Variants in KLHDC4 observed in about 807,000 individuals in gnomAD.
KLHDC4 encodes kelch domain-containing protein 4.
In KLHDC4, 90 loss-of-function variants were observed where a neutral mutation model predicts 62.4. The observed-to-expected ratio is 1.44, with a 90% CI of 1.22 to 1.72. The LOEUF (loss-of-function observed/expected upper bound fraction) is 1.72, where lower values mean the gene tolerates loss of function less well. KLHDC4 is among the 40% of genes most tolerant of loss of function. The probability of loss-of-function intolerance (pLI) is 0.00; values close to 1 mark genes in which losing one functional copy is unlikely to be tolerated. For missense variants in KLHDC4, 1,025 were observed against 699.7 expected, an observed-to-expected ratio of 1.47 and a Z score of -5.25; for synonymous variants, 386 against 284.4, an observed-to-expected ratio of 1.36 and a Z score of -3.59.
chr16:87,727,583 C>A (rs941814484), intron 6 of KLHDC4, among the ~76,000 whole-genome samples: 3 of 152,180 alleles, frequency 2.0e-5, no homozygotes, highest in Non-Finnish European at 4.4e-5. Flanking sequence ...CAGTGCCTGC[C>A]GGACCCAGCA....
chr16:87,743,791 AG>A (rs912987929), intron 5 of KLHDC4, among the ~76,000 whole-genome samples: 34 of 152,262 alleles, frequency 2.2e-4, no homozygotes, highest in African/African-American at 7.7e-4. Context: ...CTAACTTCCC[AG>A]GGTGTTTAGA....
intron 2 of KLHDC4, 90 bp from the exon 3 acceptor site, chr16:87,756,567 C>A: frequency 1.1e-6 from 1 of 931,504 alleles, no homozygotes; most frequent in Non-Finnish European, 1.7e-6. Flanking sequence ...TCTGTCACCA[C>A]AAACTGGCTG....
chr16:87,762,018 G>C lies in KLHDC4; in HGVS notation c.122C>G (p.Ala41Gly). The change falls in exon 2 of 12, where the codon GCC becomes GGC. Residue 41 changes from alanine (A) to glycine (G), a missense_variant. Ala to Gly is a moderately conservative substitution (Grantham distance 60). Coordinates refer to ENST00000270583, the MANE Select transcript of KLHDC4 (RefSeq NM_017566.4). ...CTTGGCATCGAGTGTCTGGAAATGG[G>C]CTATGAGCGCTTCCAGGTCTTCCTA... ...KEEEDLEALI[A>G]HFQTLDAKRT... 6.2e-7 allele frequency: 1 copy of C among 1,613,952 alleles called. No homozygotes were observed. The highest frequency in any genetic ancestry group is 8.5e-7 in the Non-Finnish European group (1 of 1,179,928).
At chr16:87,720,691 C>T (rs376546289) in intron 7 of KLHDC4, among the ~76,000 whole-genome samples, 5 of 152,232 alleles carry the variant, frequency 3.3e-5, no homozygotes. Context: ...CCCCTCCAGG[C>T]AGAGCTGCTG....
intron 8 of KLHDC4, among the ~76,000 whole-genome samples, chr16:87,712,022 A>G (rs2035981420): frequency 6.8e-6 from 1 of 147,388 alleles, no homozygotes; most frequent in Admixed American, 6.7e-5. Context: ...CTGCACGGGG[A>G]CCCTCCGCCC....
chr16:87,710,004 T>A (rs1022608494), intron 9 of KLHDC4: 8 of 286,724 alleles, frequency 2.8e-5, no homozygotes, highest in Non-Finnish European at 5.2e-5. Context: ...GCTCCGACGC[T>A]CACCCTGGGA....
intron 4 of KLHDC4, among the ~76,000 whole-genome samples, chr16:87,751,994 G>A (rs1319424464): frequency 1.4e-5 from 2 of 141,882 alleles, no homozygotes; most frequent in African/African-American, 5.5e-5. Flanking sequence ...AGAATGGCAT[G>A]AACCCGGGAG....
At chr16:87,712,426 G>A (rs905359710) in intron 8 of KLHDC4, among the ~76,000 whole-genome samples, 1 of 152,370 alleles carries the variant, frequency 6.6e-6, no homozygotes, top group South Asian at 2.1e-4. Context: ...ACCACCACAA[G>A]AACTCGCCAC....
chr16:87,761,072 C>T (rs2045819593), intron 2 of KLHDC4, among the ~76,000 whole-genome samples: 1 of 152,114 alleles, frequency 6.6e-6, no homozygotes, highest in Non-Finnish European at 1.5e-5. Flanking sequence ...ATGTAACTTA[C>T]ATTTGGCCCT....
intron 7 of KLHDC4, 25 bp downstream of exon 7, chr16:87,726,740 C>T (rs375030632): frequency 9.3e-6 from 14 of 1,509,944 alleles, no homozygotes; most frequent in Non-Finnish European, 1.1e-5. Flanking sequence ...CCACGCCTTG[C>T]CTGTTTCCCC....
At chr16:87,730,878 CT>C in intron 5 of KLHDC4, 2 of 416,838 alleles carry the variant, frequency 4.8e-6, no homozygotes, top group Non-Finnish European at 8.6e-6. Context: ...TCTCCAAGAC[CT>C]TGGACTGCAT....
chr16:87,725,548 T>A (rs1417691134), intron 7 of KLHDC4, among the ~76,000 whole-genome samples: 2 of 152,144 alleles, frequency 1.3e-5, no homozygotes, highest in Non-Finnish European at 2.9e-5. Context: ...TTAGCTGTGG[T>A]TGAAAATTTT....
chr16:87,748,321 C>T (rs1458508659), intron 5 of KLHDC4, among the ~76,000 whole-genome samples: 1 of 152,234 alleles, frequency 6.6e-6, no homozygotes, highest in Non-Finnish European at 1.5e-5. Context: ...TGACACATCG[C>T]TATGGGGCCC....
At chr16:87,720,087 G>A (rs369144795) in intron 7 of KLHDC4, among the ~76,000 whole-genome samples, 189 of 152,140 alleles carry the variant, frequency 1.2e-3, no homozygotes, top group Non-Finnish European at 1.0e-3. Context: ...CCCGGCTGTC[G>A]GCTCAGACGC....
At chr16:87,711,528 G>GC (rs1308774111) in intron 8 of KLHDC4, 85 bp from the exon 9 acceptor site, 6 of 1,204,316 alleles carry the variant, frequency 5.0e-6, no homozygotes, top group Admixed American at 5.2e-5. Flanking sequence ...GACCCCAGGT[G>GC]CCCCCCAGAA....
intron 2 of KLHDC4, among the ~76,000 whole-genome samples, chr16:87,759,434 A>G (rs1279476990): frequency 1.4e-5 from 2 of 141,932 alleles, no homozygotes; most frequent in South Asian, 4.4e-4. Flanking sequence ...AGAAAAAAAG[A>G]AAAAAAAAAA....
rs2046598302 is a variant in KLHDC4, at chr16:87,765,901, C to T, written c.-11G>A. 2 of 1,550,826 alleles carry T rather than the reference C, an allele frequency of 1.3e-6. No homozygotes were observed. The highest frequency in any genetic ancestry group is 2.0e-5 in the Admixed American group (1 of 50,980). On this transcript the variant is annotated 5_prime_UTR_variant, in exon 1 of 12. Coordinates refer to ENST00000270583, the MANE Select transcript of KLHDC4 (RefSeq NM_017566.4). ...GCCCTTCTTGCCCATCTTGCCGGGT[C>T]CCAAGCCGCGACGGGACACCAGGAA...
chr16:87,737,610 G>C (rs1567754925), intron 5 of KLHDC4, among the ~76,000 whole-genome samples: 1 of 137,028 alleles, frequency 7.3e-6, no homozygotes, highest in Non-Finnish European at 1.5e-5. Flanking sequence ...TTTTTTTTGA[G>C]ACAGTCTCGC....
intron 3 of KLHDC4, 110 bp downstream of exon 3, chr16:87,756,289 T>C: frequency 1.2e-6 from 1 of 802,244 alleles, no homozygotes; most frequent in Non-Finnish European, 2.1e-6. Context: ...AAGCGCGTGA[T>C]ACAAGGGGTG....
Sources: allele counts gnomAD v4.1 joint callset (sites outside exome capture counted in the v4.1 genomes callset), GRCh38; gene constraint gnomAD v4.1.1; transcripts MANE v1.5; gene names NCBI Gene and HGNC (gene_info 2026-07-23, HGNC 2026-07-21).